The following OPCML variants were observed in gnomAD, a reference collection of about 807,000 sequenced individuals.
OPCML encodes opioid binding protein/cell adhesion molecule like.
Under a neutral mutation model 37.8 loss-of-function variants are expected in OPCML, and 13 were observed. The observed-to-expected ratio is 0.34, with a 90% confidence interval of 0.22 to 0.55. The LOEUF (loss-of-function observed/expected upper bound fraction) is 0.55. OPCML is among the 20% of genes least tolerant of loss of function. OPCML has a pLI of 0.91. For synonymous variants in OPCML, 176 were observed against 168.8 expected (o/e 1.04, Z -0.33); for missense variants, 341 against 435.6 (o/e 0.78, Z 1.93).
chr11:133,251,833 A>G (rs1233668348), intron 1 of OPCML, among the ~76,000 whole-genome samples: 1 of 152,194 alleles, frequency 6.6e-6, no homozygotes, highest in Admixed American at 6.5e-5. Context: ...TTGGTTGCCC[A>G]GAGAGGAAGG....
chr11:133,208,580 G>A lies in OPCML; in HGVS notation c.62-265570C>T, dbSNP rs1460882096. On this transcript the variant is annotated intron_variant, in intron 1 of 7. Transcript: ENST00000524381. The surrounding 1 kb of genome is among the most constrained non-coding windows in gnomAD (Gnocchi z 8.9). ...TCCACATATGTGTATTAGTGAAGTTGAAGCAGGAAAAGCTGGATTTTGACA... is the reference window on the plus strand; with the variant it reads ...TCCACATATGTGTATTAGTGAAGTTAAAGCAGGAAAAGCTGGATTTTGACA... Among the ~76,000 whole-genome samples the A allele has an allele frequency of 2.0e-5, 3 of 152,176 alleles. No homozygotes were observed. The highest frequency in any genetic ancestry group is 2.9e-5 in the Non-Finnish European group (2 of 68,036).
chr11:132,897,937 C>A (rs1943910114), intron 2 of OPCML, among the ~76,000 whole-genome samples: 3 of 152,148 alleles, frequency 2.0e-5, no homozygotes, highest in African/African-American at 7.2e-5. Context: ...CAAAGATGAG[C>A]TCCACAGAGG....
intron 3 of OPCML, among the ~76,000 whole-genome samples, chr11:132,644,450 G>A (rs1031986165): frequency 1.3e-5 from 2 of 151,646 alleles, no homozygotes; most frequent in Non-Finnish European, 2.9e-5. Context: ...TGTGTCTGAG[G>A]GGGAAATAAT....
chr11:132,636,411 C>G (rs1423419921), intron 3 of OPCML, among the ~76,000 whole-genome samples: 1 of 152,180 alleles, frequency 6.6e-6, no homozygotes, highest in Non-Finnish European at 1.5e-5. Context: ...TAGCTTTGCA[C>G]TTTATTTAAC....
At chr11:132,551,235 G>A (rs2137430763) in intron 3 of OPCML, among the ~76,000 whole-genome samples, 1 of 152,334 alleles carries the variant, frequency 6.6e-6, no homozygotes, top group Admixed American at 6.5e-5. Flanking sequence ...GCTAGAATTA[G>A]GAAATAGGGT....
chr11:133,458,652 CGT>C (rs767653726), intron 1 of OPCML, among the ~76,000 whole-genome samples: 91 of 128,096 alleles, frequency 7.1e-4, no homozygotes, highest in Admixed American at 1.2e-3. Context: ...CATAGATGCA[CGT>C]GTGTGTGTAT....
intron 2 of OPCML, among the ~76,000 whole-genome samples, chr11:132,876,978 G>A (rs746109996): frequency 4.6e-5 from 7 of 152,192 alleles, no homozygotes; most frequent in African/African-American, 7.2e-5. Context: ...ATAAGGAAAC[G>A]TGATTGGCAA....
intron 1 of OPCML, among the ~76,000 whole-genome samples, chr11:133,268,773 T>G (rs968418857): frequency 4.6e-5 from 7 of 152,216 alleles, no homozygotes; most frequent in African/African-American, 1.7e-4. Context: ...TAGCTTAGCA[T>G]GAATAGAGAT....
chr11:132,526,225 G>C (rs1419694990), intron 4 of OPCML, among the ~76,000 whole-genome samples: 1 of 152,108 alleles, frequency 6.6e-6, no homozygotes, highest in Non-Finnish European at 1.5e-5. Flanking sequence ...TTAGAGAACT[G>C]TGTGTTTAGG....
At chr11:133,179,894 T>A (rs1490752035) in intron 1 of OPCML, among the ~76,000 whole-genome samples, 2 of 152,012 alleles carry the variant, frequency 1.3e-5, no homozygotes, top group African/African-American at 4.8e-5. Flanking sequence ...TGGGTAACCA[T>A]GGAGGGGACA....
chr11:133,008,156 A>G, intron 1 of OPCML: 1 of 985,464 alleles, frequency 1.0e-6, no homozygotes, highest in Non-Finnish European at 1.2e-6. Flanking sequence ...TGGCTTTAAA[A>G]TAACATCAGT....
At chr11:132,790,694 G>A (rs1489086881) in intron 2 of OPCML, among the ~76,000 whole-genome samples, 1 of 152,220 alleles carries the variant, frequency 6.6e-6, no homozygotes, top group Non-Finnish European at 1.5e-5. Context: ...AGGGCCTGCT[G>A]TAGCGGCAGA....
At chr11:132,510,165 T>A (rs931163475) in intron 4 of OPCML, among the ~76,000 whole-genome samples, 15 of 152,226 alleles carry the variant, frequency 9.9e-5, no homozygotes, top group African/African-American at 3.6e-4. Flanking sequence ...GCATGGTCCC[T>A]GTAATCCCTT....
intron 1 of OPCML, among the ~76,000 whole-genome samples, chr11:133,292,654 T>C (rs1942512824): frequency 6.6e-6 from 1 of 152,304 alleles, no homozygotes; most frequent in South Asian, 2.1e-4. Flanking sequence ...GCTCCTCCAA[T>C]TGGCTCCAAA....
chr11:132,683,950 G>T (rs1016912979), intron 2 of OPCML, among the ~76,000 whole-genome samples: 2 of 151,502 alleles, frequency 1.3e-5, no homozygotes, highest in Non-Finnish European at 2.9e-5. Flanking sequence ...TCATAATTTT[G>T]CCTCCCCGAG....
At chr11:132,879,958 C>A (rs1943165495) in intron 2 of OPCML, among the ~76,000 whole-genome samples, 1 of 152,180 alleles carries the variant, frequency 6.6e-6, no homozygotes, top group African/African-American at 2.4e-5. Flanking sequence ...CAGACACCTG[C>A]CAAGCACATT....
chr11:132,972,434 A>G (rs1233033278), intron 1 of OPCML, among the ~76,000 whole-genome samples: 1 of 152,230 alleles, frequency 6.6e-6, no homozygotes, highest in Non-Finnish European at 1.5e-5. Context: ...CAGGCAACAC[A>G]CAGTTACCAA....
At chr11:132,889,508 A>T (rs1454231511) in intron 2 of OPCML, among the ~76,000 whole-genome samples, 1 of 152,242 alleles carries the variant, frequency 6.6e-6, no homozygotes, top group East Asian at 1.9e-4. Flanking sequence ...ATCTCATTAG[A>T]AAAACATACT....
At chr11:133,082,712 C>A (rs1273737705) in intron 1 of OPCML, among the ~76,000 whole-genome samples, 1 of 140,816 alleles carries the variant, frequency 7.1e-6, no homozygotes, top group African/African-American at 2.6e-5. Context: ...GGGCTCAAGG[C>A]CCCTCTGGAG....
Sources: gnomAD v4.1 joint callset for allele counts (sites outside exome capture counted in the v4.1 genomes callset) on GRCh38, gnomAD v4.1.1 for gene constraint, Gnocchi (gnomAD v3.1) non-coding constraint, MANE v1.5 for transcripts, NCBI Gene and HGNC (gene_info 2026-07-23, HGNC 2026-07-21) for gene names.